Variants in LCLAT1 observed in about 807,000 individuals in gnomAD.
LCLAT1 encodes the protein 1-AGP acyltransferase 8.
In LCLAT1, 11 loss-of-function variants were observed where a neutral mutation model predicts 30.7. The ratio of observed to expected loss-of-function variants is 0.36; its 90% CI spans 0.23 to 0.59. The LOEUF (loss-of-function observed/expected upper bound fraction) is 0.59. LCLAT1 is among the 20% of genes least tolerant of loss of function. The pLI, the probability that LCLAT1 is intolerant of heterozygous loss-of-function variation, is 0.77. For missense variants in LCLAT1, 402 were observed against 458.6 expected (o/e 0.88, Z 1.13); for synonymous variants, 155 against 151.3 (o/e 1.02, Z -0.18).
intron 3 of LCLAT1, among the ~76,000 whole-genome samples, chr2:30,547,030 C>T (rs1243402121): frequency 6.6e-6 from 1 of 151,296 alleles, no homozygotes; most frequent in African/African-American, 2.4e-5. Context: ...CCACAGGACT[C>T]AGTAACACTC....
intron 3 of LCLAT1, among the ~76,000 whole-genome samples, chr2:30,550,489 G>A (rs1229087922): frequency 6.6e-6 from 1 of 152,086 alleles, no homozygotes; most frequent in African/African-American, 2.4e-5. Flanking sequence ...GTACTGGTTG[G>A]ACATTTTGTA....
chr2:30,547,688 G>C (rs964205639), intron 3 of LCLAT1, among the ~76,000 whole-genome samples: 2 of 151,412 alleles, frequency 1.3e-5, no homozygotes, highest in South Asian at 4.2e-4. Context: ...CCCTCAAAGA[G>C]GGGGAGGTCC....
At chr2:30,617,037 T>C (rs1040382009) in intron 5 of LCLAT1, among the ~76,000 whole-genome samples, 4 of 152,204 alleles carry the variant, frequency 2.6e-5, no homozygotes, top group African/African-American at 9.6e-5. Flanking sequence ...AAACAGCTTT[T>C]AGAGGTAGAA....
chr2:30,593,081 C>T (rs1338009959), intron 5 of LCLAT1, among the ~76,000 whole-genome samples: 2 of 152,134 alleles, frequency 1.3e-5, no homozygotes, highest in Non-Finnish European at 2.9e-5. Flanking sequence ...CTTCCCTTGC[C>T]AGCCTCTGGT....
chr2:30,597,512 G>T (rs1174906552), intron 5 of LCLAT1, among the ~76,000 whole-genome samples: 1 of 152,192 alleles, frequency 6.6e-6, no homozygotes, highest in African/African-American at 2.4e-5. Flanking sequence ...AGACTTTGCT[G>T]AAGTTGCTTA....
At chr2:30,630,749 G>A (rs1668728945) in intron 5 of LCLAT1, among the ~76,000 whole-genome samples, 1 of 152,124 alleles carries the variant, frequency 6.6e-6, no homozygotes, top group South Asian at 2.1e-4. Flanking sequence ...GGCTTTTTAG[G>A]ATGAATGGCA....
At position 30,640,154 on chromosome 2, in the gene LCLAT1, G is replaced by T. The variant is rs143567069; in HGVS notation, c.666G>T (p.Ala222=). The change falls in exon 6 of 6, where the codon GCG becomes GCT. Residue 222 remains alanine, a synonymous_variant. Coordinates refer to ENST00000379509, the MANE Select transcript of LCLAT1 (RefSeq NM_001002257.3). The stretch of plus-strand genomic sequence containing the variant: ...ATGCTGTCCATGATATCACTGTGGC[G>T]TATCCTCACAACATTCCTCAATCAG... ...NLDAVHDITV[A]YPHNIPQSEK... 8.2e-5 allele frequency: 133 copies of T among 1,613,720 alleles called. No individual in the cohort carries two copies. In the African/African-American group the frequency reaches 1.5e-3, roughly 19 times the overall value.
chr2:30,607,845 CTGTGTGTGTGTGTG>C (rs55801578), intron 5 of LCLAT1: 27,679 of 138,118 alleles, frequency 0.2, 2,803 homozygotes, highest in South Asian at 0.24. Context: ...TAGGCCTAGG[CTGTGTGTGTGTGTG>C]TGTGTGTGTG....
At position 30,642,025 on chromosome 2, in the gene LCLAT1, C is replaced by T. The variant is rs111440336; in HGVS notation, c.*1406C>T. ...TTTTACTTCTGCATTGAACCAGCCTCAGAAGCTACTTACTGCTTTATGTAC... is the reference window on the plus strand; with the variant it reads ...TTTTACTTCTGCATTGAACCAGCCTTAGAAGCTACTTACTGCTTTATGTAC... On this transcript the variant is annotated 3_prime_UTR_variant, in exon 6 of 6. Transcript: ENST00000379509. The T allele has an allele frequency of 6.6e-6, 1 of 151,986 alleles. No homozygotes were observed. The highest frequency in any genetic ancestry group is 2.1e-4 in the South Asian group (1 of 4,816). 9.4% of individuals were successfully genotyped at this position (151,986 alleles called of 1,614,324 possible). A position where few individuals can be genotyped will look rare whatever the true frequency, so the allele number is the denominator to read the frequency against.
rs1199742045 is a variant in LCLAT1 at position 30,522,140 on chromosome 2, A to G, written c.-4-3447A>G. ...GGTTTCCAGTTTTTGGTAATTATGA[A>G]TAATGCTGCTGTGAATAATTACGTA... On this transcript the variant is annotated intron_variant, in intron 1 of 5. Coordinates refer to ENST00000379509, the MANE Select transcript of LCLAT1 (RefSeq NM_001002257.3). Among the ~76,000 whole-genome samples, 65 of 152,158 alleles carry G rather than the reference A, an allele frequency of 4.3e-4. 1 individual carries two copies. Among genetic ancestry groups the G allele is most frequent in the Admixed American group, 4.3e-3 (65 of 15,276 alleles).
At chr2:30,626,780 C>A (rs183642658) in intron 5 of LCLAT1, among the ~76,000 whole-genome samples, 30 of 151,396 alleles carry the variant, frequency 2.0e-4, no homozygotes, top group African/African-American at 6.3e-4. Context: ...ATAAATTTTT[C>A]TTTCTATTGC....
intron 5 of LCLAT1, among the ~76,000 whole-genome samples, chr2:30,595,062 G>A (rs1033798546): frequency 4.4e-4 from 66 of 151,690 alleles, no homozygotes; most frequent in African/African-American, 1.5e-3. Flanking sequence ...TTTAATCATA[G>A]CCTTTTTGTG....
intron 3 of LCLAT1, among the ~76,000 whole-genome samples, 158 bp downstream of exon 3, chr2:30,533,472 A>G (rs1331831332): frequency 6.6e-6 from 1 of 152,250 alleles, no homozygotes; most frequent in African/African-American, 2.4e-5. Flanking sequence ...GCTATGGCAG[A>G]TGACTTTATT....
intron 1 of LCLAT1, among the ~76,000 whole-genome samples, chr2:30,501,194 C>T (rs952674986): frequency 2.6e-5 from 4 of 151,786 alleles, no homozygotes; most frequent in South Asian, 2.1e-4. Context: ...ACTGATCTCC[C>T]GTCTCCTTTG....
chr2:30,535,543 C>T (rs11903573), intron 3 of LCLAT1, among the ~76,000 whole-genome samples: 19,292 of 152,174 alleles, frequency 0.13, 1,360 homozygotes, highest in South Asian at 0.23. Flanking sequence ...TCAGTAGACA[C>T]CAATGATGTT....
At chr2:30,449,089 A>G (rs940985714) in intron 1 of LCLAT1, among the ~76,000 whole-genome samples, 1 of 152,198 alleles carries the variant, frequency 6.6e-6, no homozygotes, top group African/African-American at 2.4e-5. Context: ...TTTGCAGATG[A>G]GGAAACTGAA....
At position 30,479,021 on chromosome 2, in the gene LCLAT1, C is replaced by T. The variant is rs540491868; in HGVS notation, c.-5+31638C>T. ...TACAAAATAAGAATGTTCATAATGG[C>T]ATTATTCATATAGCTCAAACTTGAA... On this transcript the variant is annotated intron_variant, in intron 1 of 5. Transcript: ENST00000379509. 3.3e-5 allele frequency among the ~76,000 whole-genome samples: 5 copies of T among 152,126 alleles called. No homozygotes were observed. The East Asian group carries it at 9.7e-4, about 29-fold the overall frequency.
chr2:30,520,098 A>G (rs1269959170), intron 1 of LCLAT1, among the ~76,000 whole-genome samples: 1 of 152,160 alleles, frequency 6.6e-6, no homozygotes, highest in Non-Finnish European at 1.5e-5. Context: ...TCCGGGACCC[A>G]CAGCTTCTAA....
At chr2:30,580,459 T>A (rs1217972091) in intron 5 of LCLAT1, among the ~76,000 whole-genome samples, 1 of 152,116 alleles carries the variant, frequency 6.6e-6, no homozygotes, top group Non-Finnish European at 1.5e-5. Context: ...GAGGGAATAG[T>A]TTCACAGGAA....
Sources: gnomAD v4.1 joint callset for allele counts (sites outside exome capture counted in the v4.1 genomes callset) on GRCh38, gnomAD v4.1.1 for gene constraint, MANE v1.5 for transcripts, NCBI Gene and HGNC (gene_info 2026-07-23, HGNC 2026-07-21) for gene names.